Variants in BBS2 observed in about 807,000 individuals in gnomAD.
The protein encoded by BBS2 is BBSome complex member BBS2.
In BBS2, 62 loss-of-function variants were observed where a neutral mutation model predicts 83.0. That is an observed-to-expected ratio of 0.75 (90% CI 0.61 to 0.92). BBS2 has a LOEUF of 0.92. BBS2 is among the 40% of genes least tolerant of loss of function. The pLI, the probability that BBS2 is intolerant of heterozygous loss-of-function variation, is 0.00. For missense variants in BBS2, 784 were observed against 901.0 expected (o/e 0.87, Z 1.66); for synonymous variants, 303 against 326.1 (o/e 0.93, Z 0.76).
rs1811709644 is a variant in BBS2 at position 56,510,903 on chromosome 16, T to G, written c.490A>C (p.Asn164His). ...TCAAAGTCACACAAGGCCAAGGAAT[T>G]AACATTGTCTCCAGTAACCTGAAAA... ...LFWTVTGDNV[N>H]SLALCDFDGD... The change falls in exon 4 of 17, where the codon AAT becomes CAT. Residue 164 changes from asparagine to histidine, a missense_variant. Transcript: ENST00000245157. 6.2e-7 allele frequency: 1 copy of G among 1,613,968 alleles called. No individual in the cohort carries two copies. The highest frequency in any genetic ancestry group is 1.3e-5 in the African/African-American group (1 of 74,900).
Position 56,510,874 on chromosome 16 carries a change from A to AGAT in BBS2, c.518_519insATC (p.Gly173_Asp174insSer), listed in dbSNP as rs752692651. 6.2e-7 allele frequency: 1 copy of AGAT among 1,614,122 alleles called. No individual in the cohort carries two copies. The highest frequency in any genetic ancestry group is 2.2e-5 in the East Asian group (1 of 44,886). The stretch of plus-strand genomic sequence containing the variant: ...CCCCACATACCTCTTTCTTTCCATC[A>AGAT]CCATCAAAGTCACACAAGGCCAAGG... On this transcript the variant is annotated inframe_insertion, in exon 4 of 17. Coordinates refer to ENST00000245157, the MANE Select transcript of BBS2 (RefSeq NM_031885.5).
At chr16:56,504,368 A>G (rs1411165136) in intron 7 of BBS2, among the ~76,000 whole-genome samples, 1 of 152,242 alleles carries the variant, frequency 6.6e-6, no homozygotes, top group Non-Finnish European at 1.5e-5. Flanking sequence ...AAGAAGCAGG[A>G]CTACAAATTA....
chr16:56,502,780 T>C lies in BBS2; in HGVS notation c.833A>G (p.Glu278Gly). Residue 278 changes from glutamate to glycine, a missense_variant, in exon 8 of 17, where the codon GAG becomes GGG. Transcript: ENST00000245157. ...KVDARSDRTG[E>G]VIFKDNFSSA... ...AGAAAAATTGTCCTTAAAGATGACCTCCCCAGTTCGGTCACTTCGAGCATC... is the reference window on the plus strand; with the variant it reads ...AGAAAAATTGTCCTTAAAGATGACCCCCCCAGTTCGGTCACTTCGAGCATC... 1.9e-6 allele frequency: 3 copies of C among 1,614,130 alleles called. No homozygotes were observed. The highest frequency in any genetic ancestry group is 2.5e-6 in the Non-Finnish European group (3 of 1,180,004).
At position 56,497,070 on chromosome 16, in the gene BBS2, A is replaced by G. The variant is rs1250892505; in HGVS notation, c.1807T>C (p.Tyr603His). The change falls in exon 15 of 17, where the codon TAT becomes CAT. Residue 603 changes from tyrosine (Y) to histidine (H), a missense_variant. Tyr to His is a moderately conservative substitution (Grantham distance 83, BLOSUM62 2). Transcript: ENST00000245157. ...CTGAGCTTCTGATGCACTGAATGATATTCATCCACCTGGAGACCATGAACA... is the reference window on the plus strand; with the variant it reads ...CTGAGCTTCTGATGCACTGAATGATGTTCATCCACCTGGAGACCATGAACA... ...LRKVLVKVDE[Y>H]HSVHQKLSAD... 1 of 1,610,006 alleles carries G rather than the reference A, an allele frequency of 6.2e-7. No individual in the cohort carries two copies. The highest frequency in any genetic ancestry group is 8.5e-7 in the Non-Finnish European group (1 of 1,176,188).
chr16:56,518,919 C>T (rs1964831180), intron 1 of BBS2, among the ~76,000 whole-genome samples: 1 of 152,190 alleles, frequency 6.6e-6, no homozygotes, highest in Non-Finnish European at 1.5e-5. Flanking sequence ...ACATAGTAAA[C>T]ACCTAATACT....
chr16:56,501,370 C>G lies in BBS2; in HGVS notation c.1208G>C (p.Arg403Pro), dbSNP rs192007013. The G allele has an allele frequency of 2.5e-6, 4 of 1,613,736 alleles. No individual in the cohort carries two copies. Among genetic ancestry groups the G allele is most frequent in the Admixed American group, 1.7e-5 (1 of 59,952 alleles). The change falls in exon 10 of 17, where the codon CGC becomes CCC. Residue 403 changes from arginine to proline, a missense_variant. Arg to Pro is a moderately radical substitution (Grantham distance 103). Coordinates refer to ENST00000245157, the MANE Select transcript of BBS2 (RefSeq NM_031885.5). ...TGTCTTACCATTAGAAGTGGAAATG[C>G]GTAATTCTGTATGAGCAGTTTGGGT... ...NETQTAHTEL[R>P]ISTSNDTIIR... is the part of the protein sequence containing the mutation.
At chr16:56,512,726 A>T (rs1185014311) in intron 2 of BBS2, among the ~76,000 whole-genome samples, 1 of 152,104 alleles carries the variant, frequency 6.6e-6, no homozygotes, top group Non-Finnish European at 1.5e-5. Context: ...GTACAACAAT[A>T]TTTTCTGAGG....
At chr16:56,497,472 G>A (rs1964146284) in intron 14 of BBS2, 3 of 527,262 alleles carry the variant, frequency 5.7e-6, no homozygotes, top group South Asian at 2.1e-5. Flanking sequence ...CTACAAATAA[G>A]ATGAAGAGCT....
chr16:56,501,292 AAAAG>A (rs1412642876), intron 10 of BBS2, 57 bp downstream of exon 10: 175 of 1,605,952 alleles, frequency 1.1e-4, no homozygotes, highest in Non-Finnish European at 6.3e-5. Context: ...AAAAAAAAAA[AAAAG>A]AATGACTCCA....
chr16:56,470,668 A>G (rs772091431), exon 18 of BBS2: 2 of 1,614,206 alleles, frequency 1.2e-6, no homozygotes, highest in South Asian at 2.2e-5. Context: ...CACTGATATC[A>G]CTGAAGAAGG....
At chr16:56,499,437 C>G in intron 12 of BBS2, 3 of 331,690 alleles carry the variant, frequency 9.0e-6, no homozygotes, top group Non-Finnish European at 1.7e-5. Context: ...CAAAAACGTT[C>G]TTAGCTCCAA....
chr16:56,495,533 G>A (rs1964091774), intron 15 of BBS2, among the ~76,000 whole-genome samples: 1 of 152,168 alleles, frequency 6.6e-6, no homozygotes, highest in African/African-American at 2.4e-5. Flanking sequence ...AGAAGAGACT[G>A]AGTGGGCAAG....
chr16:56,509,094 A>G (rs1964505650), intron 5 of BBS2, among the ~76,000 whole-genome samples: 1 of 152,246 alleles, frequency 6.6e-6, no homozygotes, highest in Non-Finnish European at 1.5e-5. Context: ...AGAAAAAAAT[A>G]TAGACATCTC....
At chr16:56,497,334 A>G in intron 14 of BBS2, 1 of 545,890 alleles carries the variant, frequency 1.8e-6, no homozygotes, top group East Asian at 3.2e-5. Flanking sequence ...CACACATATT[A>G]ATATTTTAGG....
At chr16:56,491,069 C>A (rs1432613069) in intron 15 of BBS2, among the ~76,000 whole-genome samples, 2 of 152,112 alleles carry the variant, frequency 1.3e-5, no homozygotes. Context: ...CCCATTAAAG[C>A]AAAATTTTTT....
chr16:56,502,870 A>G, intron 7 of BBS2, 62 bp from the exon 8 acceptor site: 1 of 1,586,090 alleles, frequency 6.3e-7, no homozygotes, highest in Non-Finnish European at 8.6e-7. Context: ...CACAAAATTT[A>G]AAAATAAAAA....
At chr16:56,484,013 T>A (rs1250672227), downstream of BBS2, among the ~76,000 whole-genome samples, 1 of 150,542 alleles carries the variant, frequency 6.6e-6, no homozygotes, top group Non-Finnish European at 1.5e-5. Flanking sequence ...AATATTTTTT[T>A]TTTTTTTTTT....
chr16:56,505,464 G>T (rs1013753934), intron 7 of BBS2, among the ~76,000 whole-genome samples: 7 of 152,208 alleles, frequency 4.6e-5, no homozygotes, highest in African/African-American at 1.7e-4. Context: ...CTTGCCAAAA[G>T]ACTGTAAAAA....
chr16:56,511,367 TG>T, intron 2 of BBS2, 83 bp from the exon 3 acceptor site: 2 of 1,579,352 alleles, frequency 1.3e-6, no homozygotes, highest in Non-Finnish European at 1.7e-6. Flanking sequence ...TTGAGTAAAC[TG>T]AGCAGATTTT....
Sources: gnomAD v4.1 joint callset for allele counts (sites outside exome capture counted in the v4.1 genomes callset) on GRCh38, gnomAD v4.1.1 for gene constraint, MANE v1.5 for transcripts, NCBI Gene and HGNC (gene_info 2026-07-23, HGNC 2026-07-21) for gene names.